The following DNMBP variants were observed in gnomAD, a reference collection of about 807,000 sequenced individuals.
The protein encoded by DNMBP is dynamin-binding protein.
Under a neutral mutation model 150.0 loss-of-function variants are expected in DNMBP, and 87 were observed. That is an observed-to-expected ratio of 0.58 (90% CI 0.49 to 0.69). The LOEUF is 0.69. Among genes scored for constraint, DNMBP ranks in the 30% least tolerant of loss-of-function variants. The probability of loss-of-function intolerance (pLI) is 0.00; values close to 1 mark genes in which losing one functional copy is unlikely to be tolerated. For synonymous variants in DNMBP, 711 were observed against 750.4 expected, an observed-to-expected ratio of 0.95 and a Z score of 0.86; for missense variants, 1,774 against 1,949.0, an observed-to-expected ratio of 0.91 and a Z score of 1.69.
intron 4 of DNMBP, among the ~76,000 whole-genome samples, chr10:99,916,768 A>C (rs1282615730): frequency 6.6e-6 from 1 of 152,226 alleles, no homozygotes; most frequent in Non-Finnish European, 1.5e-5. Flanking sequence ...CAAGGGCACA[A>C]ATATGTTCAT....
At chr10:99,904,523 C>T (rs2039795808) in intron 6 of DNMBP, among the ~76,000 whole-genome samples, 1 of 152,082 alleles carries the variant, frequency 6.6e-6, no homozygotes, top group Non-Finnish European at 1.5e-5. Flanking sequence ...TCGGATGTTT[C>T]AGACCTCATT....
chr10:99,882,289 T>C (rs928202108), intron 15 of DNMBP, among the ~76,000 whole-genome samples: 4 of 152,198 alleles, frequency 2.6e-5, no homozygotes, highest in African/African-American at 9.7e-5. Flanking sequence ...GCTCTGGTGT[T>C]CTATTGCACA....
intron 1 of DNMBP, among the ~76,000 whole-genome samples, chr10:99,976,839 T>C (rs2040733036): frequency 6.6e-6 from 1 of 152,042 alleles, no homozygotes; most frequent in Admixed American, 6.5e-5. Flanking sequence ...CATCTAGATG[T>C]TTATGTTATT....
At chr10:99,913,778 C>A (rs975587616) in intron 4 of DNMBP, among the ~76,000 whole-genome samples, 1 of 152,194 alleles carries the variant, frequency 6.6e-6, no homozygotes, top group Non-Finnish European at 1.5e-5. Flanking sequence ...CCATCACACA[C>A]ACTTCAGAGT....
chr10:99,953,406 G>A (rs1589435924), intron 4 of DNMBP, among the ~76,000 whole-genome samples: 1 of 151,840 alleles, frequency 6.6e-6, no homozygotes, highest in African/African-American at 2.4e-5. Context: ...CTATGTCTTA[G>A]TTTCCTCATC....
intron 7 of DNMBP, 38 bp downstream of exon 7, chr10:99,899,881 A>AT (rs1472280514): frequency 6.2e-7 from 1 of 1,612,264 alleles, no homozygotes; most frequent in Admixed American, 1.7e-5. Context: ...TAGAGAACTA[A>AT]AGAGCTGTAA....
Position 99,899,932 on chromosome 10 carries a change from A to G in DNMBP, c.2689T>C (p.Leu897=). The G allele has an allele frequency of 6.2e-7, 1 of 1,614,168 alleles. No individual in the cohort carries two copies. Among genetic ancestry groups the G allele is most frequent in the Non-Finnish European group, 8.5e-7 (1 of 1,180,034 alleles). Residue 897 remains leucine (L), a synonymous_variant, in exon 7 of 17, where the codon TTG becomes CTG. Transcript: ENST00000324109. The part of the protein sequence containing the change: ...EKIQKHLQDS[L]ADLKSLYNEW... ...CAAAACTCCTACTTCAGATCTGCCAAGGAGTCCTGAAGATGCTTCTGGATC... is the reference window on the plus strand; with the variant it reads ...CAAAACTCCTACTTCAGATCTGCCAGGGAGTCCTGAAGATGCTTCTGGATC...
intron 2 of DNMBP, among the ~76,000 whole-genome samples, chr10:99,970,381 G>A (rs930639722): frequency 6.6e-6 from 1 of 152,126 alleles, no homozygotes; most frequent in Non-Finnish European, 1.5e-5. Context: ...GAAAGAAATC[G>A]ATGTGAACAT....
At chr10:99,964,489 C>CTT (rs1564748415) in intron 3 of DNMBP, among the ~76,000 whole-genome samples, 1 of 150,782 alleles carries the variant, frequency 6.6e-6, no homozygotes, top group African/African-American at 2.5e-5. Flanking sequence ...TTCTTTTCTC[C>CTT]TGTTTTTGTT....
At chr10:99,957,347 G>T (rs1013137248) in intron 3 of DNMBP, 142 bp from the exon 4 acceptor site, 5 of 756,028 alleles carry the variant, frequency 6.6e-6, no homozygotes, top group Non-Finnish European at 1.0e-5. Flanking sequence ...GAACAATTTT[G>T]ACAATTTATT....
At chr10:99,937,224 T>G (rs138887384) in intron 4 of DNMBP, among the ~76,000 whole-genome samples, 1 of 152,166 alleles carries the variant, frequency 6.6e-6, no homozygotes, top group African/African-American at 2.4e-5. Flanking sequence ...CGAACCTCTA[T>G]ATTGTCAAAA....
chr10:99,923,712 T>C (rs2040047568), intron 4 of DNMBP, among the ~76,000 whole-genome samples: 1 of 152,192 alleles, frequency 6.6e-6, no homozygotes, highest in Non-Finnish European at 1.5e-5. Flanking sequence ...CCCACGTCTT[T>C]GTCACCACAA....
At chr10:99,948,929 C>G (rs1205567957) in intron 4 of DNMBP, among the ~76,000 whole-genome samples, 1 of 151,512 alleles carries the variant, frequency 6.6e-6, no homozygotes, top group African/African-American at 2.4e-5. Context: ...CGCCATTGCA[C>G]TGCAGTCTGG....
chr10:99,960,579 G>A lies in DNMBP; in HGVS notation c.269-3374C>T, dbSNP rs185949435. Among the ~76,000 whole-genome samples the A allele has an allele frequency of 1.7e-3, 260 of 152,298 alleles. 1 individual carries two copies. The highest frequency in any genetic ancestry group is 5.8e-3 in the African/African-American group (242 of 41,560). On this transcript the variant is annotated intron_variant, in intron 3 of 16. Coordinates refer to ENST00000324109, the MANE Select transcript of DNMBP (RefSeq NM_015221.4). ...CCAGCACTTCGGGAGGCCGAGGTGCGCAGGATCACCTCAGGTCAGGAGTTC... is the reference window on the plus strand; with the variant it reads ...CCAGCACTTCGGGAGGCCGAGGTGCACAGGATCACCTCAGGTCAGGAGTTC...
chr10:99,974,141 G>C (rs1036853308), intron 1 of DNMBP, among the ~76,000 whole-genome samples: 1 of 152,050 alleles, frequency 6.6e-6, no homozygotes, highest in African/African-American at 2.4e-5. Flanking sequence ...AAAAAAAAAA[G>C]TTAGAAAAGT....
rs760509171 is a variant in DNMBP, at chr10:99,955,685, T to C, written c.1789A>G (p.Thr597Ala). The change falls in exon 4 of 17, where the codon ACC becomes GCC. Residue 597 changes from threonine to alanine, a missense_variant. Thr to Ala is a moderately conservative substitution (Grantham distance 58). Coordinates refer to ENST00000324109, the MANE Select transcript of DNMBP (RefSeq NM_015221.4). ...DIVRGSSKLI[T>A]EQELPERRKA... ...CTCCTTTCCGGCAGCTCCTGCTCGG[T>C]GATTAACTTTGAGGAACCTCGGACA... 5.9e-5 allele frequency: 95 copies of C among 1,614,060 alleles called. No homozygotes were observed. Among genetic ancestry groups the C allele is most frequent in the Non-Finnish European group, 7.6e-5 (90 of 1,180,048 alleles).
At chr10:99,919,784 C>T (rs941964628) in intron 4 of DNMBP, among the ~76,000 whole-genome samples, 1 of 152,220 alleles carries the variant, frequency 6.6e-6, no homozygotes, top group Non-Finnish European at 1.5e-5. Flanking sequence ...AAGACTCCAT[C>T]TGGGAGCTGG....
chr10:99,896,180 C>T (rs2039649844), intron 10 of DNMBP, 87 bp downstream of exon 10: 1 of 1,480,960 alleles, frequency 6.8e-7, no homozygotes, highest in Non-Finnish European at 9.2e-7. Flanking sequence ...GGAAGGGAAC[C>T]ACGCCAATTG....
intron 6 of DNMBP, among the ~76,000 whole-genome samples, chr10:99,900,421 T>A (rs991993493): frequency 6.6e-6 from 1 of 151,656 alleles, no homozygotes; most frequent in African/African-American, 2.4e-5. Context: ...CATGCCACCA[T>A]GCCCAGCTAA....
Sources: allele counts gnomAD v4.1 joint callset (sites outside exome capture counted in the v4.1 genomes callset), GRCh38; gene constraint gnomAD v4.1.1; transcripts MANE v1.5; gene names NCBI Gene and HGNC (gene_info 2026-07-23, HGNC 2026-07-21).